Variants in KAT6B observed in about 807,000 individuals in gnomAD.
KAT6B encodes the protein histone acetyltransferase KAT6B.
In KAT6B, 10 loss-of-function variants were observed where a neutral mutation model predicts 187.5. The ratio of observed to expected loss-of-function variants is 0.05; its 90% CI spans 0.03 to 0.09. KAT6B has a LOEUF of 0.09. Among genes scored for constraint, KAT6B ranks in the 10% least tolerant of loss-of-function variants. The pLI is 1.00. For missense variants in KAT6B, 1,952 were observed against 2,558.9 expected, an observed-to-expected ratio of 0.76 and a Z score of 5.12; for synonymous variants, 861 against 926.8, an observed-to-expected ratio of 0.93 and a Z score of 1.29.
intron 1 of KAT6B, among the ~76,000 whole-genome samples, 196 bp downstream of exon 1, chr10:74,826,981 G>T (rs111879365): frequency 7.3e-6 from 1 of 136,756 alleles, no homozygotes; most frequent in African/African-American, 2.7e-5. Flanking sequence ...GACAGGCCCC[G>T]CCCCTCGGCA....
chr10:74,884,715 C>T (rs1455561491), intron 3 of KAT6B, among the ~76,000 whole-genome samples: 1 of 151,778 alleles, frequency 6.6e-6, no homozygotes, highest in African/African-American at 2.4e-5. Context: ...ATTACAGGTG[C>T]GGGCCACCAT....
Position 75,029,698 on chromosome 10 carries a change from G to A in KAT6B, c.4874G>A (p.Ser1625Asn). 1.9e-6 allele frequency: 3 copies of A among 1,614,144 alleles called. No homozygotes were observed. The highest frequency in any genetic ancestry group is 2.5e-6 in the Non-Finnish European group (3 of 1,180,028). ...CCAAGTGTCCCTGCTCTGGAAAACA[G>A]CTACGCCCAAATCAGCCCAGATCAA... ...NSPSVPALENSYAQISPDQSA... is the reference protein window; with the variant it reads ...NSPSVPALENNYAQISPDQSA... Residue 1625 changes from serine (S) to asparagine (N), a missense_variant, in exon 18 of 18, where the codon AGC becomes AAC. Around this residue, in one of 9 missense-constraint regions of KAT6B, gnomAD observed 87 missense variants for 167.5 expected, o/e 0.52. Coordinates refer to ENST00000287239, the MANE Select transcript of KAT6B (RefSeq NM_012330.4). This position sits in a 1 kb window ranked among gnomAD's most constrained non-coding sequence, Gnocchi z 6.2.
Position 74,842,973 on chromosome 10 carries a change from C to T in KAT6B, c.116C>T (p.Ser39Phe), listed in dbSNP as rs1319397357. The change falls in exon 3 of 18, where the codon TCC (serine) becomes TTC (phenylalanine). Residue 39 changes from serine to phenylalanine, a missense_variant. Transcript: ENST00000287239. ...EERICHAVST[S>F]HGLDKKTVSE... ...AGAATCTGCCATGCGGTCAGTACTT[C>T]CCATGGGTTGGATAAGAAGACAGTC... The T allele has an allele frequency of 1.2e-6, 2 of 1,614,192 alleles. No individual in the cohort carries two copies. Among genetic ancestry groups the T allele is most frequent in the South Asian group, 2.2e-5 (2 of 91,082 alleles).
chr10:75,003,552 G>A (rs1227221522), intron 13 of KAT6B, among the ~76,000 whole-genome samples: 1 of 152,108 alleles, frequency 6.6e-6, no homozygotes, highest in Non-Finnish European at 1.5e-5. Context: ...CTTTTGCTGG[G>A]TTTTGGAAGA....
At chr10:74,865,279 C>A (rs139771819) in intron 3 of KAT6B, among the ~76,000 whole-genome samples, 2 of 152,300 alleles carry the variant, frequency 1.3e-5, no homozygotes, top group African/African-American at 4.8e-5. Flanking sequence ...TTGATTTGCT[C>A]AGTCCTTTTT....
Position 75,020,525 on chromosome 10 carries a change from G to T in KAT6B, c.2630-57G>T, listed in dbSNP as rs555100783. On this transcript the variant is annotated intron_variant, in intron 13 of 17. Transcript: ENST00000287239. ...ACTCATATTATTTCTAGTGGCTCCT[G>T]TTCTAAGCTCTGGGAATGCCACAGT... The T allele has an allele frequency of 9.0e-4, 1,105 of 1,232,630 alleles. No individual in the cohort carries two copies. The highest frequency in any genetic ancestry group is 1.2e-3 in the Non-Finnish European group (966 of 833,930). 76.4% of individuals were successfully genotyped at this position (1,232,630 alleles called of 1,614,324 possible).
rs910182023 is a variant in KAT6B at position 75,005,217 on chromosome 10, C to T, written c.2630-15365C>T. On this transcript the variant is annotated intron_variant, in intron 13 of 17. Transcript: ENST00000287239. ...CATGATGGCATTTCGTTTTTTTGTT[C>T]TTTTTTTTTTTTTCTTTTGAGACCG... 4.4e-4 allele frequency among the ~76,000 whole-genome samples: 63 copies of T among 143,640 alleles called. No individual in the cohort carries two copies. The South Asian group carries it at 7.6e-3, about 17-fold the overall frequency. The allele number at this position is 143,640 out of a possible 152,430, so 94.2% of individuals were successfully genotyped here.
At chr10:74,913,947 A>T (rs1290330828) in intron 3 of KAT6B, among the ~76,000 whole-genome samples, 1 of 152,138 alleles carries the variant, frequency 6.6e-6, no homozygotes, top group African/African-American at 2.4e-5. Context: ...GCACTTTGGG[A>T]GGGTGAGGCA....
At chr10:74,942,291 C>G (rs1236515867) in intron 3 of KAT6B, among the ~76,000 whole-genome samples, 3 of 151,794 alleles carry the variant, frequency 2.0e-5, no homozygotes, top group African/African-American at 4.8e-5. Context: ...TGAGTTTTAC[C>G]TAGAAAAGGG....
At chr10:74,885,199 C>T (rs923468752) in intron 3 of KAT6B, among the ~76,000 whole-genome samples, 11 of 151,784 alleles carry the variant, frequency 7.2e-5, no homozygotes, top group Admixed American at 6.6e-4. Flanking sequence ...TTCTGAGTAG[C>T]TGGGATTACA....
intron 3 of KAT6B, among the ~76,000 whole-genome samples, chr10:74,948,547 A>G (rs1037164959): frequency 1.4e-4 from 22 of 152,214 alleles, no homozygotes; most frequent in African/African-American, 5.1e-4. Flanking sequence ...GAGCAGTTAG[A>G]GCAGGTTTCT....
chr10:74,890,678 A>G (rs1042726241), intron 3 of KAT6B, among the ~76,000 whole-genome samples: 1 of 152,262 alleles, frequency 6.6e-6, no homozygotes, highest in African/African-American at 2.4e-5. Context: ...GGGCCGGACC[A>G]TGAAGAGCTG....
chr10:74,944,385 T>G (rs1166505716), intron 3 of KAT6B, among the ~76,000 whole-genome samples: 1 of 152,194 alleles, frequency 6.6e-6, no homozygotes, highest in African/African-American at 2.4e-5. Flanking sequence ...ACAATAGGTT[T>G]TTCACTGAAA....
chr10:75,004,407 T>C (rs1844063591), intron 13 of KAT6B, among the ~76,000 whole-genome samples: 1 of 152,236 alleles, frequency 6.6e-6, no homozygotes, highest in African/African-American at 2.4e-5. Context: ...TTTTGACCAG[T>C]AGTGCTTAAA....
chr10:74,984,953 G>GT, intron 11 of KAT6B, 127 bp from the exon 12 acceptor site: 1 of 875,510 alleles, frequency 1.1e-6, no homozygotes, highest in Non-Finnish European at 1.8e-6. Flanking sequence ...TTAATAGAGT[G>GT]TTTTAATCTC....
intron 3 of KAT6B, among the ~76,000 whole-genome samples, chr10:74,859,926 G>T (rs567220571): frequency 1.3e-5 from 2 of 152,312 alleles, no homozygotes; most frequent in East Asian, 3.9e-4. Context: ...ACACAAGCCT[G>T]CAGGCAGTTT....
intron 3 of KAT6B, among the ~76,000 whole-genome samples, chr10:74,887,147 A>G (rs181137538): frequency 2.2e-4 from 33 of 152,064 alleles, no homozygotes; most frequent in African/African-American, 5.8e-4. Flanking sequence ...GAGTTACCCA[A>G]TGCCCTGGGG....
intron 3 of KAT6B, among the ~76,000 whole-genome samples, chr10:74,932,151 G>C (rs373099051): frequency 2.0e-5 from 3 of 152,350 alleles, no homozygotes. Context: ...TCCAGTTGAA[G>C]TAAGTAGTGG....
At chr10:74,830,567 A>G (rs1303084780) in intron 1 of KAT6B, among the ~76,000 whole-genome samples, 3 of 151,204 alleles carry the variant, frequency 2.0e-5, no homozygotes, top group Non-Finnish European at 4.4e-5. Flanking sequence ...TTTACTAAGT[A>G]CCAAACTCTT....
Sources: gnomAD v4.1 joint callset for allele counts (sites outside exome capture counted in the v4.1 genomes callset) on GRCh38, gnomAD v4.1.1 for gene constraint, gnomAD v4.1.1 regional missense constraint, Gnocchi (gnomAD v3.1) non-coding constraint, MANE v1.5 for transcripts, NCBI Gene and HGNC (gene_info 2026-07-23, HGNC 2026-07-21) for gene names.